SLC8A3: variants seen among roughly 807,000 people sequenced by gnomAD.
The protein encoded by SLC8A3 is sodium/calcium exchanger 3.
SLC8A3 carries 37 observed loss-of-function variants against 65.4 expected under a neutral mutation model. The observed-to-expected ratio is 0.57, with a 90% CI of 0.44 to 0.74. The LOEUF is 0.74. Among genes scored for constraint, SLC8A3 ranks in the 30% least tolerant of loss-of-function variants. SLC8A3 has a pLI of 0.00. For synonymous variants in SLC8A3, 461 were observed against 444.5 expected, an observed-to-expected ratio of 1.04 and a Z score of -0.47; for missense variants, 1,112 against 1,172.1, an observed-to-expected ratio of 0.95 and a Z score of 0.75.
At position 70,143,342 on chromosome 14, in the gene SLC8A3, G is replaced by A. The variant is rs74063891; in HGVS notation, c.1784+23297C>T. ...GGATTTGTAAAGTTTAAGCCATTTA[G>A]TAACTTGCCTGAGGTCACTAAGTAG... On this transcript the variant is annotated intron_variant, in intron 2 of 6. Coordinates refer to ENST00000356921, the MANE Select transcript of SLC8A3 (RefSeq NM_182932.3). Among the ~76,000 whole-genome samples, 779 of 152,300 alleles carry A rather than the reference G, an allele frequency of 5.1e-3. 10 individuals carry two copies. The highest frequency in any genetic ancestry group is 0.017 in the African/African-American group (708 of 41,560).
At chr14:70,166,514 T>G in intron 2 of SLC8A3, 125 bp downstream of exon 2, 1 of 638,424 alleles carries the variant, frequency 1.6e-6, no homozygotes, top group South Asian at 2.0e-5. Context: ...TGCATACCTG[T>G]GATGGAACCA....
chr14:70,187,664 G>A (rs1345000794), intron 1 of SLC8A3, among the ~76,000 whole-genome samples: 2 of 148,668 alleles, frequency 1.3e-5, no homozygotes, highest in Admixed American at 6.7e-5. Context: ...TGTGTTGGGG[G>A]ATCGGGGGAG....
At chr14:70,091,635 G>T (rs1566773641) in intron 2 of SLC8A3, among the ~76,000 whole-genome samples, 3 of 152,176 alleles carry the variant, frequency 2.0e-5, no homozygotes, top group Non-Finnish European at 2.9e-5. Context: ...TCCTAACAGG[G>T]AAGCTTGGTG....
chr14:70,182,866 G>A (rs1249717612), intron 1 of SLC8A3, among the ~76,000 whole-genome samples: 1 of 152,170 alleles, frequency 6.6e-6, no homozygotes, highest in African/African-American at 2.4e-5. Context: ...AACTGGGGCA[G>A]TTTACCAAAG....
chr14:70,068,673 C>G (rs919437123), intron 2 of SLC8A3, among the ~76,000 whole-genome samples: 1 of 152,078 alleles, frequency 6.6e-6, no homozygotes, highest in African/African-American at 2.4e-5. Flanking sequence ...CATAAGTCAC[C>G]ATGTCAGGCC....
chr14:70,168,261 G>A lies in SLC8A3; in HGVS notation c.162C>T (p.Cys54=). ...AGATTGGCAGGATGACACCCTCCTT[G>A]CAGTCCGATGACCCTGAACAGGACT... ...NNESCSGSSD[C]KEGVILPIWY... Residue 54 remains cysteine (C), a synonymous_variant, in exon 2 of 7, where the codon TGC becomes TGT. Coordinates refer to ENST00000356921, the MANE Select transcript of SLC8A3 (RefSeq NM_182932.3). 6.2e-7 allele frequency: 1 copy of A among 1,614,138 alleles called. No homozygotes were observed. Among genetic ancestry groups the A allele is most frequent in the Middle Eastern group, 1.6e-4 (1 of 6,062 alleles).
At chr14:70,091,592 T>C (rs554775683) in intron 2 of SLC8A3, among the ~76,000 whole-genome samples, 5 of 152,358 alleles carry the variant, frequency 3.3e-5, no homozygotes, top group Non-Finnish European at 7.3e-5. Context: ...TTTGCAGATA[T>C]CTGGTGTCGG....
At chr14:70,141,702 C>G (rs1234315335) in intron 2 of SLC8A3, among the ~76,000 whole-genome samples, 1 of 152,172 alleles carries the variant, frequency 6.6e-6, no homozygotes, top group Non-Finnish European at 1.5e-5. Flanking sequence ...AGTGGTGCGG[C>G]TTTGGATGAG....
intron 3 of SLC8A3, chr14:70,060,570 T>A: frequency 1.7e-6 from 1 of 587,904 alleles, no homozygotes; most frequent in Middle Eastern, 2.7e-4. Context: ...GAGTTGAGGC[T>A]GCAGTGCTGC....
chr14:70,154,514 A>G (rs1176102928), intron 2 of SLC8A3, among the ~76,000 whole-genome samples: 1 of 152,204 alleles, frequency 6.6e-6, no homozygotes, highest in Non-Finnish European at 1.5e-5. Context: ...AAGCCAACGC[A>G]CAAGTGAGAA....
chr14:70,110,451 T>C (rs1317841653), intron 2 of SLC8A3, among the ~76,000 whole-genome samples: 1 of 152,132 alleles, frequency 6.6e-6, no homozygotes, highest in Non-Finnish European at 1.5e-5. Context: ...TGTTTTTCTT[T>C]CTGTGCCTGG....
intron 2 of SLC8A3, among the ~76,000 whole-genome samples, chr14:70,102,655 TA>T (rs1290460236): frequency 3.3e-5 from 5 of 152,058 alleles, no homozygotes; most frequent in Admixed American, 2.6e-4. Flanking sequence ...CTATAAATAA[TA>T]ACCTAATAGA....
intron 2 of SLC8A3, among the ~76,000 whole-genome samples, chr14:70,164,585 G>T (rs923083845): frequency 9.9e-5 from 15 of 152,218 alleles, no homozygotes; most frequent in African/African-American, 3.6e-4. Context: ...TTTGAGGAAG[G>T]TTTAGTCGTA....
Position 70,167,540 on chromosome 14 carries a change from G to T in SLC8A3, c.883C>A (p.His295Asn). Reference protein sequence around the residue: ...IEMDGKMMNSHFLDGNLVPLE... With the variant: ...IEMDGKMMNSNFLDGNLVPLE... ...GGCACCAGGTTCCCATCTAGAAAAT[G>T]GGAATTCATCATTTTCCCATCCATC... The change falls in exon 2 of 7, where the codon CAT becomes AAT. Residue 295 changes from histidine to asparagine, a missense_variant. Coordinates refer to ENST00000356921, the MANE Select transcript of SLC8A3 (RefSeq NM_182932.3). The T allele has an allele frequency of 1.2e-6, 2 of 1,613,930 alleles. No homozygotes were observed. Among genetic ancestry groups the T allele is most frequent in the Non-Finnish European group, 1.7e-6 (2 of 1,180,016 alleles).
chr14:70,110,560 T>C (rs1482013191), intron 2 of SLC8A3, among the ~76,000 whole-genome samples: 2 of 152,168 alleles, frequency 1.3e-5, no homozygotes, highest in Non-Finnish European at 2.9e-5. Flanking sequence ...CCATTGTATA[T>C]ATGTACCACA....
At chr14:70,134,128 C>A (rs1206659384) in intron 2 of SLC8A3, among the ~76,000 whole-genome samples, 1 of 152,162 alleles carries the variant, frequency 6.6e-6, no homozygotes, top group African/African-American at 2.4e-5. Flanking sequence ...GACTGTGATG[C>A]CAAGACACTG....
chr14:70,131,901 A>G (rs1249200094), intron 2 of SLC8A3, among the ~76,000 whole-genome samples: 2 of 152,156 alleles, frequency 1.3e-5, no homozygotes, highest in Non-Finnish European at 2.9e-5. Flanking sequence ...AAGGAAGTGG[A>G]GGTGGGTCAA....
At chr14:70,129,256 C>G (rs1357809640) in intron 2 of SLC8A3, among the ~76,000 whole-genome samples, 1 of 152,158 alleles carries the variant, frequency 6.6e-6, no homozygotes, top group Non-Finnish European at 1.5e-5. Context: ...TAGGGAAGCT[C>G]CCACAGAAAA....
At chr14:70,165,367 T>C (rs950954022) in intron 2 of SLC8A3, among the ~76,000 whole-genome samples, 6 of 152,164 alleles carry the variant, frequency 3.9e-5, no homozygotes, top group African/African-American at 7.2e-5. Flanking sequence ...CTCCCTAGCT[T>C]CTATGGCTCC....
Sources: allele counts gnomAD v4.1 joint callset (sites outside exome capture counted in the v4.1 genomes callset), GRCh38; gene constraint gnomAD v4.1.1; transcripts MANE v1.5; gene names NCBI Gene and HGNC (gene_info 2026-07-23, HGNC 2026-07-21).